The following CEP85L variants were observed in gnomAD, a reference collection of about 807,000 sequenced individuals.
CEP85L encodes centrosomal protein 85L, also known as centrosomal protein of 85 kDa-like.
Under a neutral mutation model 100.3 loss-of-function variants are expected in CEP85L, and 60 were observed. The ratio of observed to expected loss-of-function variants is 0.60; its 90% CI spans 0.49 to 0.74. The LOEUF (loss-of-function observed/expected upper bound fraction) is 0.74, where lower values mean the gene tolerates loss of function less well. Ranked by LOEUF, CEP85L falls within the 30% of genes least tolerant of loss-of-function variation. The probability of loss-of-function intolerance (pLI) is 0.00; values close to 1 mark genes in which losing one functional copy is unlikely to be tolerated. For missense variants in CEP85L, 973 were observed against 936.2 expected, an observed-to-expected ratio of 1.04 and a Z score of -0.51; for synonymous variants, 319 against 322.7, an observed-to-expected ratio of 0.99 and a Z score of 0.12.
At chr6:118,574,691 G>A (rs950431086) in intron 2 of CEP85L, among the ~76,000 whole-genome samples, 10 of 152,268 alleles carry the variant, frequency 6.6e-5, no homozygotes, top group East Asian at 1.9e-4. Context: ...CAGATACCAC[G>A]GCGACAAGGT....
At chr6:118,470,699 C>T (rs955750931) in intron 10 of CEP85L, 55 bp from the exon 11 acceptor site, 6 of 980,708 alleles carry the variant, frequency 6.1e-6, no homozygotes, top group Non-Finnish European at 9.3e-6. Flanking sequence ...AAAGAAAAAT[C>T]TCAAACAGAA....
At chr6:118,652,598 G>T (rs1418461967), upstream of CEP85L, 4 of 1,494,216 alleles carry the variant, frequency 2.7e-6, no homozygotes, top group East Asian at 5.1e-5. Flanking sequence ...GCTAACAAAG[G>T]CCTCATATTT....
intron 2 of CEP85L, among the ~76,000 whole-genome samples, chr6:118,576,432 C>T (rs900218925): frequency 4.6e-5 from 7 of 152,238 alleles, no homozygotes; most frequent in African/African-American, 7.2e-5. Flanking sequence ...AAGTCATGGA[C>T]CATCACTCCA....
intron 3 of CEP85L, among the ~76,000 whole-genome samples, chr6:118,526,963 T>C (rs1028141972): frequency 2.0e-5 from 3 of 151,022 alleles, no homozygotes; most frequent in East Asian, 3.9e-4. Flanking sequence ...AGGGCTGCTC[T>C]GCCTGTGGCG....
chr6:118,519,238 G>A lies in CEP85L; in HGVS notation c.1139+4564C>T, dbSNP rs192304873. Among the ~76,000 whole-genome samples, 354 of 152,046 alleles carry A rather than the reference G, an allele frequency of 2.3e-3. 2 individuals carry two copies. The highest frequency in any genetic ancestry group is 8.1e-3 in the African/African-American group (336 of 41,482). ...TGGGAGGCCGAGGCGGGCAGATCAC[G>A]AGGTCAGAAGTTCGAGACCAGCCTG... On this transcript the variant is annotated intron_variant, in intron 4 of 12. Coordinates refer to ENST00000368491, the MANE Select transcript of CEP85L (RefSeq NM_001042475.3).
chr6:118,644,943 A>G (rs144166880), intron 1 of CEP85L, among the ~76,000 whole-genome samples: 15 of 152,320 alleles, frequency 9.8e-5, no homozygotes, highest in African/African-American at 3.6e-4. Context: ...CCATGTCCCC[A>G]ATACATGGGA....
chr6:118,696,858 C>T (rs1777230704), intron 1 of CEP85L, among the ~76,000 whole-genome samples: 1 of 152,078 alleles, frequency 6.6e-6, no homozygotes, highest in African/African-American at 2.4e-5. Flanking sequence ...ATTAAGGATC[C>T]AGGTCCTTCC....
At chr6:118,659,704 C>G (rs181627936) in intron 1 of CEP85L, among the ~76,000 whole-genome samples, 48 of 152,354 alleles carry the variant, frequency 3.2e-4, no homozygotes, top group South Asian at 4.1e-4. Context: ...GATGCTGTTG[C>G]CTTCTTTGCT....
intron 2 of CEP85L, among the ~76,000 whole-genome samples, chr6:118,598,824 G>A (rs1562296385): frequency 6.6e-6 from 1 of 152,162 alleles, no homozygotes; most frequent in Non-Finnish European, 1.5e-5. Context: ...TAACAGTTCT[G>A]AACCTGCTTT....
intron 12 of CEP85L, among the ~76,000 whole-genome samples, chr6:118,467,742 G>C (rs1027060683): frequency 1.8e-4 from 28 of 152,180 alleles, no homozygotes; most frequent in Non-Finnish European, 8.8e-5. Context: ...AGTTCCCTTT[G>C]TGTGTGAGCT....
At chr6:118,678,363 C>T (rs1233529755) in intron 1 of CEP85L, among the ~76,000 whole-genome samples, 2 of 152,152 alleles carry the variant, frequency 1.3e-5, no homozygotes, top group Admixed American at 6.5e-5. Context: ...GGTAATGCTA[C>T]AATTTGAGGG....
chr6:118,704,611 C>T (rs894374870), intron 1 of CEP85L, among the ~76,000 whole-genome samples: 9 of 152,292 alleles, frequency 5.9e-5, no homozygotes, highest in Middle Eastern at 3.4e-3. Context: ...GCTGGGATTG[C>T]AGGCACCCGC....
At chr6:118,701,516 T>C (rs918357647) in intron 1 of CEP85L, among the ~76,000 whole-genome samples, 1 of 152,140 alleles carries the variant, frequency 6.6e-6, no homozygotes, top group Non-Finnish European at 1.5e-5. Context: ...AGCAAATTAA[T>C]GTAGGAACAG....
intron 2 of CEP85L, chr6:118,589,041 GTC>G: frequency 3.7e-6 from 1 of 267,340 alleles, no homozygotes. Flanking sequence ...GGGCTGCTTC[GTC>G]TCCGAGGTCA....
At chr6:118,471,939 T>C (rs1334109763) in intron 10 of CEP85L, among the ~76,000 whole-genome samples, 1 of 151,928 alleles carries the variant, frequency 6.6e-6, no homozygotes, top group Non-Finnish European at 1.5e-5. Flanking sequence ...ACAAGATTAT[T>C]TGGCTGGAAT....
At chr6:118,552,033 C>G (rs896459478) in intron 3 of CEP85L, among the ~76,000 whole-genome samples, 4 of 151,944 alleles carry the variant, frequency 2.6e-5, no homozygotes, top group African/African-American at 9.7e-5. Context: ...TCCAAACAAT[C>G]CAAATATAGA....
chr6:118,486,228 A>T (rs768513021), intron 6 of CEP85L, among the ~76,000 whole-genome samples: 1 of 152,076 alleles, frequency 6.6e-6, no homozygotes, highest in Non-Finnish European at 1.5e-5. Context: ...GTGCTGTCCC[A>T]TACAAACAGA....
chr6:118,661,974 C>G (rs939486514), intron 1 of CEP85L, among the ~76,000 whole-genome samples: 1 of 152,180 alleles, frequency 6.6e-6, no homozygotes, highest in Admixed American at 6.5e-5. Context: ...TGATACAGCT[C>G]TGCTCCCTAC....
intron 6 of CEP85L, among the ~76,000 whole-genome samples, chr6:118,487,896 C>G (rs1443751335): frequency 6.6e-6 from 1 of 152,148 alleles, no homozygotes; most frequent in Admixed American, 6.5e-5. Context: ...GGACAGAACA[C>G]CCAACAATCT....
Sources: allele counts gnomAD v4.1 joint callset (sites outside exome capture counted in the v4.1 genomes callset), GRCh38; gene constraint gnomAD v4.1.1; transcripts MANE v1.5; gene names NCBI Gene and HGNC (gene_info 2026-07-23, HGNC 2026-07-21).